Variants in FMNL3 observed in about 807,000 individuals in gnomAD.
FMNL3 encodes the protein formin-like protein 3.
A neutral mutation model predicts 119.6 loss-of-function variants in FMNL3; 57 were observed. That is an observed-to-expected ratio of 0.48 (90% CI 0.39 to 0.59). FMNL3 has a LOEUF of 0.59. Among genes scored for constraint, FMNL3 ranks in the 20% least tolerant of loss-of-function variants. The probability of loss-of-function intolerance (pLI) is 0.00; values close to 1 mark genes in which losing one functional copy is unlikely to be tolerated. For synonymous variants in FMNL3, 491 were observed against 507.3 expected, an observed-to-expected ratio of 0.97 and a Z score of 0.43; for missense variants, 1,053 against 1,323.5, an observed-to-expected ratio of 0.80 and a Z score of 3.17.
Position 49,641,560 on chromosome 12 carries a change from T to G in FMNL3, c.*4255A>C. 3.5e-6 allele frequency: 1 copy of G among 282,232 alleles called. No homozygotes were observed. Among genetic ancestry groups the G allele is most frequent in the Non-Finnish European group, 6.7e-6 (1 of 148,578 alleles). The allele number at this position is 282,232 out of a possible 1,614,324, so 17.5% of individuals were successfully genotyped here. A position where few individuals can be genotyped will look rare whatever the true frequency, so the allele number is the denominator to read the frequency against. On this transcript the variant is annotated 3_prime_UTR_variant, in exon 26 of 26. Coordinates refer to ENST00000335154, the MANE Select transcript of FMNL3 (RefSeq NM_175736.5). ...AAGGGTAGGGGCCAGCAAATGTTGA[T>G]TGAGAATGCATGGAAGCACTGCTGA...
Position 49,636,741 on chromosome 12 carries a change from C to A in FMNL3, c.*9074G>T, listed in dbSNP as rs777735176. ...ACATGGACAAGGAAGATGCACTGAT[C>A]TGTTTTGAGGAGCACATCCGAGCTT... On this transcript the variant is annotated 3_prime_UTR_variant, in exon 26 of 26. Transcript: ENST00000335154. 1 of 1,614,088 alleles carries A rather than the reference C, an allele frequency of 6.2e-7. No homozygotes were observed. Among genetic ancestry groups the A allele is most frequent in the Admixed American group, 1.7e-5 (1 of 60,002 alleles).
rs1364863461 is a variant in FMNL3 at position 49,640,706 on chromosome 12, C to A, written c.*5109G>T. ...TAAGGTTGTGAGAATTAAATAACAT[C>A]TGTAAAGTGTCTAATAGGTTCTCAA... On this transcript the variant is annotated 3_prime_UTR_variant, in exon 26 of 26. Coordinates refer to ENST00000335154, the MANE Select transcript of FMNL3 (RefSeq NM_175736.5). The A allele has an allele frequency of 1.3e-5, 2 of 152,208 alleles. No homozygotes were observed. The highest frequency in any genetic ancestry group is 2.9e-5 in the Non-Finnish European group (2 of 68,032). 9.4% of individuals were successfully genotyped at this position (152,208 alleles called of 1,614,324 possible).
chr12:49,692,493 C>G (rs887728955), intron 1 of FMNL3, among the ~76,000 whole-genome samples: 3 of 152,156 alleles, frequency 2.0e-5, no homozygotes, highest in Non-Finnish European at 4.4e-5. Context: ...CACTCAATCC[C>G]CTCCACAGTT....
intron 8 of FMNL3, 143 bp downstream of exon 8, chr12:49,656,680 A>G (rs1245283673): frequency 1.1e-6 from 1 of 924,904 alleles, no homozygotes; most frequent in African/African-American, 1.6e-5. Context: ...AGCCAGGGAC[A>G]CTTCTCTTCC....
chr12:49,652,390 A>C, intron 13 of FMNL3, 178 bp from the exon 14 acceptor site: 1 of 1,257,816 alleles, frequency 8.0e-7, no homozygotes, highest in Non-Finnish European at 1.1e-6. Context: ...GCAAAACAAA[A>C]GAGGCAAGCA....
chr12:49,654,085 G>C (rs1943493252), intron 11 of FMNL3, 107 bp downstream of exon 11: 2 of 1,204,818 alleles, frequency 1.7e-6, no homozygotes, highest in Admixed American at 2.2e-5. Context: ...AGACAGGCAG[G>C]GTCCCAGGAG....
Position 49,651,271 on chromosome 12 carries a change from A to G in FMNL3, c.1694T>C (p.Ile565Thr), listed in dbSNP as rs755292448. Reference sequence around the variant, plus strand: ...GACAGGCAGCCGGAACTTGGTCTTGATAGGTTTCTTAATTCGAATGGCTAA... The same window carrying G: ...GACAGGCAGCCGGAACTTGGTCTTGGTAGGTTTCTTAATTCGAATGGCTAA... ...GLSAIRIKKPIKTKFRLPVFN... is the reference protein window; with the variant it reads ...GLSAIRIKKPTKTKFRLPVFN... Residue 565 changes from isoleucine to threonine, a missense_variant, in exon 16 of 26, where the codon ATC (isoleucine) becomes ACC (threonine). By Grantham distance (89) the Ile-to-Thr change is moderately conservative. Around this residue, in one of 4 missense-constraint regions of FMNL3, gnomAD observed 445 missense variants for 628.4 expected, o/e 0.71. Transcript: ENST00000335154. 6.2e-7 allele frequency: 1 copy of G among 1,612,626 alleles called. No individual in the cohort carries two copies. The highest frequency in any genetic ancestry group is 8.5e-7 in the Non-Finnish European group (1 of 1,178,718).
At chr12:49,681,983 A>G (rs1944347559) in intron 1 of FMNL3, among the ~76,000 whole-genome samples, 1 of 152,158 alleles carries the variant, frequency 6.6e-6, no homozygotes, top group Non-Finnish European at 1.5e-5. Flanking sequence ...AGACCCTGTA[A>G]GTGGTAACTG....
intron 17 of FMNL3, 90 bp downstream of exon 17, chr12:49,650,586 G>A: frequency 7.0e-7 from 1 of 1,425,146 alleles, no homozygotes; most frequent in Non-Finnish European, 9.8e-7. Context: ...TCTGTCAGAT[G>A]ACCTGGAATC....
rs1045965632 is a variant in FMNL3, at chr12:49,642,415, G to T, written c.*3400C>A. ...GCCCCAAGCACCCCTCAAGCCTGAGGGCAGCGGTGCTTCACCACTGAGGGC... is the reference window on the plus strand; with the variant it reads ...GCCCCAAGCACCCCTCAAGCCTGAGTGCAGCGGTGCTTCACCACTGAGGGC... On this transcript the variant is annotated 3_prime_UTR_variant, in exon 26 of 26. Coordinates refer to ENST00000335154, the MANE Select transcript of FMNL3 (RefSeq NM_175736.5). The surrounding 1 kb of genome is among the most constrained non-coding windows in gnomAD (Gnocchi z 5.8). 7 of 1,606,118 alleles carry T rather than the reference G, an allele frequency of 4.4e-6. No individual in the cohort carries two copies. The highest frequency in any genetic ancestry group is 3.6e-4 in the Middle Eastern group (2 of 5,620).
chr12:49,652,183 C>T lies in FMNL3; in HGVS notation c.1353G>A (p.Val451=). ...KETYENTSHQ[V]HTLRRLIKEK... ...CTTTAATGAGCCTCCGCAGGGTGTG[C>T]ACCTGGTGGCTTGTGTTCTCATATG... The change falls in exon 14 of 26, where the codon GTG becomes GTA. Residue 451 remains valine (V), a synonymous_variant. Coordinates refer to ENST00000335154, the MANE Select transcript of FMNL3 (RefSeq NM_175736.5). 1 of 1,613,110 alleles carries T rather than the reference C, an allele frequency of 6.2e-7. No homozygotes were observed.
chr12:49,682,072 CTT>C (rs1265176099), intron 1 of FMNL3, among the ~76,000 whole-genome samples: 29 of 138,940 alleles, frequency 2.1e-4, no homozygotes, highest in Admixed American at 2.2e-4. Context: ...CAATTTCAAC[CTT>C]TTTTTTTTTT....
At chr12:49,695,585 G>A (rs767713236) in intron 1 of FMNL3, among the ~76,000 whole-genome samples, 6 of 152,086 alleles carry the variant, frequency 3.9e-5, no homozygotes, top group Non-Finnish European at 8.8e-5. Context: ...AAAGTACGCG[G>A]CATACATCCA....
At chr12:49,660,694 C>T (rs546019884) in intron 5 of FMNL3, among the ~76,000 whole-genome samples, 1 of 152,366 alleles carries the variant, frequency 6.6e-6, no homozygotes, top group South Asian at 2.1e-4. Context: ...CAGCGGCTCA[C>T]GCCTGCAATC....
intron 25 of FMNL3, 128 bp downstream of exon 25, chr12:49,646,758 G>A: frequency 6.3e-7 from 1 of 1,597,862 alleles, no homozygotes; most frequent in Non-Finnish European, 8.5e-7. Flanking sequence ...TCAGCACTGT[G>A]GCCCAGGAGA....
At chr12:49,651,893 G>C (rs748714613) in intron 14 of FMNL3, 40 bp downstream of exon 14, 9 of 1,522,538 alleles carry the variant, frequency 5.9e-6, no homozygotes, top group Non-Finnish European at 7.9e-6. Context: ...TCCCCACAAA[G>C]AGGCTGCCCC....
intron 8 of FMNL3, 29 bp downstream of exon 8, chr12:49,656,794 G>C (rs1250177098): frequency 1.9e-6 from 3 of 1,578,972 alleles, no homozygotes; most frequent in Admixed American, 1.7e-5. Flanking sequence ...TGGACAGAGT[G>C]GGGAGGAAAG....
chr12:49,669,864 C>CAA (rs1943996803), intron 1 of FMNL3, among the ~76,000 whole-genome samples: 1 of 151,928 alleles, frequency 6.6e-6, no homozygotes, highest in South Asian at 2.1e-4. Context: ...CAAAACAAAA[C>CAA]AAAACAAAAC....
intron 1 of FMNL3, among the ~76,000 whole-genome samples, chr12:49,687,455 G>A (rs1268550423): frequency 6.6e-6 from 1 of 152,058 alleles, no homozygotes; most frequent in Admixed American, 6.6e-5. Flanking sequence ...AAAGTCAGGG[G>A]ATCCTCCTGC....
Sources: allele counts gnomAD v4.1 joint callset (sites outside exome capture counted in the v4.1 genomes callset), GRCh38; gene constraint gnomAD v4.1.1; regional missense constraint gnomAD v4.1.1; non-coding constraint Gnocchi (gnomAD v3.1); transcripts MANE v1.5; gene names NCBI Gene and HGNC (gene_info 2026-07-23, HGNC 2026-07-21).